SMARCAL1: variants seen among roughly 807,000 people sequenced by gnomAD.
The protein encoded by SMARCAL1 is SNF2 related chromatin remodeling annealing helicase 1, also known as ATP-driven annealing helicase.
In SMARCAL1, 58 loss-of-function variants were observed where a neutral mutation model predicts 94.5. That is an observed-to-expected ratio of 0.61 (90% CI 0.50 to 0.76). The LOEUF (loss-of-function observed/expected upper bound fraction) is 0.76, where lower values mean the gene tolerates loss of function less well. SMARCAL1 is among the 30% of genes least tolerant of loss of function. The pLI is 0.00. For synonymous variants in SMARCAL1, 422 were observed against 455.1 expected, an observed-to-expected ratio of 0.93 and a Z score of 0.93; for missense variants, 1,051 against 1,177.9, an observed-to-expected ratio of 0.89 and a Z score of 1.58.
chr2:216,463,213 G>T (rs569941116), intron 12 of SMARCAL1, among the ~76,000 whole-genome samples: 1 of 152,184 alleles, frequency 6.6e-6, no homozygotes, highest in Non-Finnish European at 1.5e-5. Flanking sequence ...GCACAAGAAG[G>T]GGGGTGCACC....
chr2:216,448,985 G>A (rs1383343704), intron 11 of SMARCAL1, among the ~76,000 whole-genome samples: 1 of 152,240 alleles, frequency 6.6e-6, no homozygotes, highest in Non-Finnish European at 1.5e-5. Flanking sequence ...CACAGACTAA[G>A]TAACTTACAA....
chr2:216,468,230 C>T (rs1027587763), intron 14 of SMARCAL1, among the ~76,000 whole-genome samples, 184 bp downstream of exon 14: 1 of 152,198 alleles, frequency 6.6e-6, no homozygotes, highest in African/African-American at 2.4e-5. Flanking sequence ...CCAGCCATGT[C>T]ATTTTAACTT....
At chr2:216,463,598 T>G (rs1401404356) in intron 12 of SMARCAL1, among the ~76,000 whole-genome samples, 1 of 152,164 alleles carries the variant, frequency 6.6e-6, no homozygotes, top group Admixed American at 6.5e-5. Flanking sequence ...CTCACATTAT[T>G]ATGAAATGAT....
At position 216,468,050 on chromosome 2, in the gene SMARCAL1, A is replaced by G; in HGVS notation, c.2244+4A>G. The G allele has an allele frequency of 6.2e-7, 1 of 1,604,100 alleles. No homozygotes were observed. Among genetic ancestry groups the G allele is most frequent in the Non-Finnish European group, 8.5e-7 (1 of 1,170,906 alleles). On this transcript the variant is annotated splice_donor_region_variant and intron_variant, in intron 14 of 17. Transcript: ENST00000357276. ...TACGCAAGAGCTTGAGAGAAAGGTG[A>G]GCTCCCTTTGAAATTCACCATGGGC...
At chr2:216,477,251 G>C in intron 16 of SMARCAL1, 42 bp downstream of exon 16, 1 of 1,352,844 alleles carries the variant, frequency 7.4e-7, no homozygotes, top group Non-Finnish European at 1.0e-6. Context: ...AGTCGAGCAA[G>C]GGTGGAAACT....
chr2:216,423,565 G>A (rs1693769616), intron 5 of SMARCAL1, 68 bp from the exon 6 acceptor site: 1 of 1,286,912 alleles, frequency 7.8e-7, no homozygotes, highest in African/African-American at 1.5e-5. Context: ...AGGAATAAAT[G>A]AGTAAGTGTG....
chr2:216,464,924 T>C (rs529901609), intron 13 of SMARCAL1, among the ~76,000 whole-genome samples: 3 of 152,040 alleles, frequency 2.0e-5, no homozygotes, highest in Non-Finnish European at 4.4e-5. Context: ...GGTGGGAGGA[T>C]TGCTTGAGTC....
rs775659515 is a variant in SMARCAL1, at chr2:216,420,393, G to A, written c.957G>A (p.Gln319=). ...CACCCTCCACCAGCAGTGAGGGACAGGCCGGCCTTCCATCAGCTCCATCCC... is the reference window on the plus strand; with the variant it reads ...CACCCTCCACCAGCAGTGAGGGACAAGCCGGCCTTCCATCAGCTCCATCCC... ...SESPSTSSEG[Q]AGLPSAPSLS... The change falls in exon 5 of 18, where the codon CAG becomes CAA. Residue 319 remains glutamine, a synonymous_variant. Transcript: ENST00000357276. 1.9e-6 allele frequency: 3 copies of A among 1,614,216 alleles called. No homozygotes were observed. Among genetic ancestry groups the A allele is most frequent in the Non-Finnish European group, 2.5e-6 (3 of 1,180,030 alleles).
intron 7 of SMARCAL1, among the ~76,000 whole-genome samples, chr2:216,432,040 A>T (rs900679191): frequency 6.6e-6 from 1 of 150,922 alleles, no homozygotes; most frequent in Admixed American, 6.6e-5. Flanking sequence ...CTTTTTTTTC[A>T]GATGGAGTTT....
chr2:216,449,093 G>A (rs1021232544), intron 11 of SMARCAL1, among the ~76,000 whole-genome samples: 4 of 152,172 alleles, frequency 2.6e-5, no homozygotes, highest in Admixed American at 2.6e-4. Flanking sequence ...TCATAACATG[G>A]CAGAAGGCAT....
chr2:216,420,667 AG>A, intron 5 of SMARCAL1, 135 bp downstream of exon 5: 1 of 744,928 alleles, frequency 1.3e-6, no homozygotes, highest in Admixed American at 2.0e-5. Flanking sequence ...CTCTTCCTAT[AG>A]AAAGATGACA....
chr2:216,423,447 T>C (rs574866379), intron 5 of SMARCAL1, among the ~76,000 whole-genome samples, 186 bp from the exon 6 acceptor site: 1 of 152,336 alleles, frequency 6.6e-6, no homozygotes, highest in African/African-American at 2.4e-5. Flanking sequence ...CCTCCCAGTA[T>C]ACTGGGGAAG....
chr2:216,477,100 G>T lies in SMARCAL1; in HGVS notation c.2428-9G>T. 1 of 1,562,698 alleles carries T rather than the reference G, an allele frequency of 6.4e-7. No individual in the cohort carries two copies. The highest frequency in any genetic ancestry group is 8.7e-7 in the Non-Finnish European group (1 of 1,153,480). Reference sequence around the variant, plus strand: ...CTTTACCTGCCTGTCTCAATTCCTGGACACACAGGTGCTGATCCAGGCTGA... The same window carrying T: ...CTTTACCTGCCTGTCTCAATTCCTGTACACACAGGTGCTGATCCAGGCTGA... On this transcript the variant is annotated splice_polypyrimidine_tract_variant and intron_variant, in intron 15 of 17. Transcript: ENST00000357276.
intron 11 of SMARCAL1, among the ~76,000 whole-genome samples, chr2:216,448,009 G>C (rs929703654): frequency 6.6e-6 from 1 of 152,132 alleles, no homozygotes; most frequent in Non-Finnish European, 1.5e-5. Flanking sequence ...ATAAATAAGA[G>C]TGTCTGCCTT....
rs544897640 is a variant in SMARCAL1 at position 216,458,938 on chromosome 2, C to T, written c.2071-5659C>T. ...TGATTGTATATCTAGAAAGCCCCAT[C>T]GTCTCAGCCCCAAATCTCCTTAAGC... On this transcript the variant is annotated intron_variant, in intron 12 of 17. Coordinates refer to ENST00000357276, the MANE Select transcript of SMARCAL1 (RefSeq NM_014140.4). Among the ~76,000 whole-genome samples, 1,100 of 152,240 alleles carry T rather than the reference C, an allele frequency of 7.2e-3. 11 individuals are homozygous for T. Among genetic ancestry groups the T allele is most frequent in the African/African-American group, 0.025 (1,041 of 41,544 alleles).
At position 216,443,081 on chromosome 2, in the gene SMARCAL1, A is replaced by G. The variant is rs1435054834; in HGVS notation, c.1711-3937A>G. On this transcript the variant is annotated intron_variant, in intron 10 of 17. Coordinates refer to ENST00000357276, the MANE Select transcript of SMARCAL1 (RefSeq NM_014140.4). ...TAAAATGGATTGTCTTTTCCAGAGT[A>G]AAAAAATCTACCTTAGGCCGGGCGC... is the stretch of plus-strand genomic sequence containing the variant. 3.9e-5 allele frequency among the ~76,000 whole-genome samples: 6 copies of G among 152,208 alleles called. No homozygotes were observed. In the East Asian group the frequency reaches 1.2e-3, roughly 29 times the overall value.
intron 11 of SMARCAL1, 41 bp from the exon 12 acceptor site, chr2:216,450,805 A>C: frequency 2.6e-6 from 4 of 1,551,856 alleles, no homozygotes; most frequent in Non-Finnish European, 3.6e-6. Flanking sequence ...ACTGGGCCTG[A>C]AAGGAGCCTC....
intron 10 of SMARCAL1, among the ~76,000 whole-genome samples, chr2:216,445,819 G>C (rs749793818): frequency 1.3e-5 from 2 of 152,168 alleles, no homozygotes; most frequent in African/African-American, 4.8e-5. Context: ...GCACAAATGC[G>C]TTTAGATAAT....
Position 216,428,666 on chromosome 2 carries a change from T to A in SMARCAL1, c.1218T>A (p.Ala406=), listed in dbSNP as rs979326079. 2.5e-6 allele frequency: 4 copies of A among 1,614,108 alleles called. No homozygotes were observed. Among genetic ancestry groups the A allele is most frequent in the Admixed American group, 3.3e-5 (2 of 60,012 alleles). ...PLPTTLTLAF[A]SQLKKTSLSL... ...CCACGACTCTCACCCTGGCGTTTGC[T>A]TCTCAGCTCAAGAAGACATCTCTCA... The change falls in exon 7 of 18, where the codon GCT becomes GCA. Residue 406 remains alanine, a synonymous_variant. Transcript: ENST00000357276.
Sources: gnomAD v4.1 joint callset for allele counts (sites outside exome capture counted in the v4.1 genomes callset) on GRCh38, gnomAD v4.1.1 for gene constraint, MANE v1.5 for transcripts, NCBI Gene and HGNC (gene_info 2026-07-23, HGNC 2026-07-21) for gene names.